EPB41L4B: variants seen among roughly 807,000 people sequenced by gnomAD.
The protein encoded by EPB41L4B is erythrocyte membrane protein band 4.1 like 4B.
Under a neutral mutation model 112.5 loss-of-function variants are expected in EPB41L4B, and 30 were observed. The observed-to-expected ratio is 0.27, with a 90% CI of 0.20 to 0.36. EPB41L4B has a LOEUF of 0.36. Ranked by LOEUF, EPB41L4B falls within the 10% of genes least tolerant of loss-of-function variation. The probability of loss-of-function intolerance (pLI) is 1.00; values close to 1 mark genes in which losing one functional copy is unlikely to be tolerated. For synonymous variants in EPB41L4B, 408 were observed against 439.7 expected, an observed-to-expected ratio of 0.93 and a Z score of 0.90; for missense variants, 1,024 against 1,133.3, an observed-to-expected ratio of 0.90 and a Z score of 1.38.
intron 1 of EPB41L4B, among the ~76,000 whole-genome samples, chr9:109,315,638 A>C (rs1837605177): frequency 6.6e-6 from 1 of 152,118 alleles, no homozygotes; most frequent in African/African-American, 2.4e-5. Context: ...AAGTCACTTT[A>C]TAGCCACAGA....
intron 15 of EPB41L4B, among the ~76,000 whole-genome samples, chr9:109,218,018 CTTTAG>C (rs1308663924): frequency 6.6e-6 from 1 of 151,886 alleles, no homozygotes; most frequent in Non-Finnish European, 1.5e-5. Context: ...CTGCTCGTTC[CTTTAG>C]TCCATCCTCC....
At chr9:109,215,583 T>C (rs905334037) in intron 16 of EPB41L4B, among the ~76,000 whole-genome samples, 1 of 151,954 alleles carries the variant, frequency 6.6e-6, no homozygotes, top group Non-Finnish European at 1.5e-5. Context: ...TGCCTCCAAG[T>C]TTCAAGCGAT....
intron 1 of EPB41L4B, among the ~76,000 whole-genome samples, chr9:109,290,041 C>T (rs1439114191): frequency 1.3e-5 from 2 of 152,162 alleles, no homozygotes; most frequent in Non-Finnish European, 2.9e-5. Context: ...TACCTAACGG[C>T]ACCTGTCCGA....
At chr9:109,275,283 G>A (rs991049578) in intron 2 of EPB41L4B, among the ~76,000 whole-genome samples, 10 of 152,208 alleles carry the variant, frequency 6.6e-5, no homozygotes, top group Admixed American at 4.6e-4. Context: ...CTGCATGTCA[G>A]GGGCTGGGTG....
intron 1 of EPB41L4B, among the ~76,000 whole-genome samples, chr9:109,313,210 T>C (rs1447844305): frequency 6.6e-6 from 1 of 152,214 alleles, no homozygotes; most frequent in Non-Finnish European, 1.5e-5. Context: ...TAAGAAACAC[T>C]CTTCTCTCTC....
Position 109,194,273 on chromosome 9 carries a change from C to A in EPB41L4B, c.2170G>T (p.Val724Phe). 1.2e-6 allele frequency: 2 copies of A among 1,614,216 alleles called. No individual in the cohort carries two copies. The highest frequency in any genetic ancestry group is 1.7e-6 in the Non-Finnish European group (2 of 1,180,036). ...CCTTCTGACTTGTGAGGCGAGCTGA[C>A]ATTCTGGACCTTGGGGGACGGCAGC... ...VPLPSPKVQN[V>F]SSPHKSEGKG... The change falls in exon 21 of 26, where the codon GTC (valine) becomes TTC (phenylalanine). Residue 724 changes from valine to phenylalanine, a missense_variant. By Grantham distance (50) the Val-to-Phe change is conservative (BLOSUM62 -1). Coordinates refer to ENST00000374566, the MANE Select transcript of EPB41L4B (RefSeq NM_019114.5).
chr9:109,292,995 G>GT (rs2119186728), intron 1 of EPB41L4B, among the ~76,000 whole-genome samples: 1 of 152,294 alleles, frequency 6.6e-6, no homozygotes, highest in East Asian at 1.9e-4. Context: ...TACCAGATAT[G>GT]TGAGTGCAGC....
intron 15 of EPB41L4B, among the ~76,000 whole-genome samples, chr9:109,220,058 T>G (rs142025173): frequency 5.9e-5 from 9 of 152,376 alleles, no homozygotes; most frequent in African/African-American, 1.9e-4. Context: ...GAAGCTGGCA[T>G]TACCACTGAA....
intron 7 of EPB41L4B, among the ~76,000 whole-genome samples, chr9:109,257,268 G>T (rs1206615290): frequency 6.6e-6 from 1 of 152,140 alleles, no homozygotes; most frequent in Non-Finnish European, 1.5e-5. Flanking sequence ...ACCTGGAGGA[G>T]GCAGTGTTTG....
Position 109,174,912 on chromosome 9 carries a change from GTTTTTTTT to G in EPB41L4B, c.2634-297_2634-290del, listed in dbSNP as rs35440007. Among the ~76,000 whole-genome samples, 68 of 74,562 alleles carry G rather than the reference GTTTTTTTT, an allele frequency of 9.1e-4. 1 individual carries two copies. Among genetic ancestry groups the G allele is most frequent in the Non-Finnish European group, 1.4e-3 (57 of 41,282 alleles). The allele number at this position is 74,562 out of a possible 152,430, so 48.9% of individuals were successfully genotyped here. A position where few individuals can be genotyped will look rare whatever the true frequency, so the allele number is the denominator to read the frequency against. ...GTGCATGGCAGCCACTCAGTAAAGTGTTTTTTTTTTTTTTTTTTTTTTGAGATGGAGTC... is the reference window on the plus strand; with the variant it reads ...GTGCATGGCAGCCACTCAGTAAAGTGTTTTTTTTTTTTTTGAGATGGAGTC... On this transcript the variant is annotated intron_variant, in intron 25 of 25. Transcript: ENST00000374566.
Position 109,290,876 on chromosome 9 carries a change from G to A in EPB41L4B, c.307-10955C>T, listed in dbSNP as rs10979806. Among the ~76,000 whole-genome samples, 956 of 151,760 alleles carry A rather than the reference G, an allele frequency of 6.3e-3. 24 individuals carry two copies. In the East Asian group the frequency reaches 0.094, roughly 15 times the overall value. ...GTTTACTCTTGGACATCATAAATAC[G>A]AATATCTGAAATTACCAAATAAGTT... On this transcript the variant is annotated intron_variant, in intron 1 of 25. Transcript: ENST00000374566.
chr9:109,201,146 G>A (rs184119099), intron 19 of EPB41L4B, among the ~76,000 whole-genome samples: 64 of 152,252 alleles, frequency 4.2e-4, no homozygotes, highest in Non-Finnish European at 7.9e-4. Context: ...GTATGTGGCC[G>A]GGGCCTAACA....
At chr9:109,282,568 C>G (rs1232051148) in intron 1 of EPB41L4B, among the ~76,000 whole-genome samples, 1 of 152,174 alleles carries the variant, frequency 6.6e-6, no homozygotes, top group Non-Finnish European at 1.5e-5. Context: ...AACATCACAA[C>G]AGGAGACAAC....
chr9:109,250,281 G>C (rs191895493), intron 13 of EPB41L4B, among the ~76,000 whole-genome samples: 1 of 152,170 alleles, frequency 6.6e-6, no homozygotes, highest in African/African-American at 2.4e-5. Flanking sequence ...GTACCTGGAG[G>C]GAGGGTTCCT....
intron 13 of EPB41L4B, among the ~76,000 whole-genome samples, chr9:109,251,259 C>A (rs1834777595): frequency 6.6e-6 from 1 of 152,212 alleles, no homozygotes; most frequent in South Asian, 2.1e-4. Flanking sequence ...GCTACTCAAA[C>A]AAAGCAGCTG....
chr9:109,193,877 C>T (rs73519210), intron 21 of EPB41L4B, among the ~76,000 whole-genome samples: 15,892 of 152,176 alleles, frequency 0.1, 1,470 homozygotes, highest in African/African-American at 0.24. Context: ...AAACTGTTCA[C>T]TATGGTTGGG....
chr9:109,176,050 G>GCA (rs58215877), intron 25 of EPB41L4B, among the ~76,000 whole-genome samples: 6,829 of 32,804 alleles, frequency 0.21, 255 homozygotes, highest in East Asian at 0.39. Flanking sequence ...TCACACACAC[G>GCA]CACACACACA....
In EPB41L4B at chr9:109,215,713, T is replaced by C. The variant is rs75510683; in HGVS notation, c.1633+1209A>G. ...GGTTCTTTTCATACCAAAGATGAAT[T>C]CTTTGGTAACGTATAATAAAAGTGA... On this transcript the variant is annotated intron_variant, in intron 16 of 25. Transcript: ENST00000374566. Among the ~76,000 whole-genome samples the C allele has an allele frequency of 5.7e-3, 869 of 152,332 alleles. 11 individuals are homozygous for C. Among genetic ancestry groups the C allele is most frequent in the Middle Eastern group, 0.024 (7 of 294 alleles).
intron 19 of EPB41L4B, among the ~76,000 whole-genome samples, chr9:109,202,163 A>G (rs1245451354): frequency 6.6e-6 from 1 of 152,152 alleles, no homozygotes; most frequent in Admixed American, 6.5e-5. Context: ...TAATAATACC[A>G]TTGACTAAGA....
Sources: gnomAD v4.1 joint callset for allele counts (sites outside exome capture counted in the v4.1 genomes callset) on GRCh38, gnomAD v4.1.1 for gene constraint, MANE v1.5 for transcripts, NCBI Gene and HGNC (gene_info 2026-07-23, HGNC 2026-07-21) for gene names.